The following IFT43 variants were observed in gnomAD, a reference collection of about 807,000 sequenced individuals.
The protein encoded by IFT43 is intraflagellar transport protein 43 homolog.
In IFT43, 33 loss-of-function variants were observed where a neutral mutation model predicts 32.3. The ratio of observed to expected loss-of-function variants is 1.02; its 90% CI spans 0.77 to 1.37. The LOEUF (loss-of-function observed/expected upper bound fraction) is 1.37, where lower values mean the gene tolerates loss of function less well. IFT43 is among the 40% of genes most tolerant of loss of function. IFT43 has a pLI of 0.00. For missense variants in IFT43, 274 were observed against 265.9 expected, an observed-to-expected ratio of 1.03 and a Z score of -0.21; for synonymous variants, 93 against 98.2, an observed-to-expected ratio of 0.95 and a Z score of 0.31.
Position 76,017,837 on chromosome 14 carries a change from T to C in IFT43, c.148-4490T>C, listed in dbSNP as rs149306961. 5.6e-4 allele frequency among the ~76,000 whole-genome samples: 85 copies of C among 152,274 alleles called. 2 individuals are homozygous for C. The East Asian group carries it at 0.012, about 21-fold the overall frequency. On this transcript the variant is annotated intron_variant, in intron 2 of 8. Transcript: ENST00000314067. ...CTCTAGGATTTCCAATTTATTAGTA[T>C]ATACTTGTTCATAATAGTCTCTTAT...
Position 76,038,354 on chromosome 14 carries a change from G to A in IFT43, c.215+15960G>A, listed in dbSNP as rs140996433. 4.5e-3 allele frequency among the ~76,000 whole-genome samples: 682 copies of A among 152,212 alleles called. 2 individuals are homozygous for A. The highest frequency in any genetic ancestry group is 0.016 in the African/African-American group (649 of 41,544). On this transcript the variant is annotated intron_variant, in intron 3 of 8. Transcript: ENST00000314067. Reference sequence around the variant, plus strand: ...CTTGGATCTCTGTCTCAATTTCACCGTCATGCATTTTGCCCTGCATAGATG... The same window carrying A: ...CTTGGATCTCTGTCTCAATTTCACCATCATGCATTTTGCCCTGCATAGATG...
At chr14:75,998,529 G>T (rs989162756) in intron 2 of IFT43, among the ~76,000 whole-genome samples, 2 of 152,222 alleles carry the variant, frequency 1.3e-5, no homozygotes, top group African/African-American at 2.4e-5. Flanking sequence ...CTTGCCAAAA[G>T]AAATTGAGGA....
intron 2 of IFT43, among the ~76,000 whole-genome samples, chr14:76,008,322 C>A (rs1353113278): frequency 1.3e-5 from 2 of 152,164 alleles, no homozygotes; most frequent in East Asian, 3.8e-4. Flanking sequence ...ATTGTCTCAA[C>A]CCTAAGCATT....
intron 3 of IFT43, among the ~76,000 whole-genome samples, chr14:76,040,232 G>A: frequency 6.6e-6 from 1 of 152,314 alleles, no homozygotes; most frequent in Admixed American, 6.5e-5. Context: ...TTACAGGTGT[G>A]AGTCACTGTG....
rs1253205022 is a variant in IFT43, at chr14:76,077,017, C to T, written c.296-5278C>T. Among the ~76,000 whole-genome samples, 3 of 151,930 alleles carry T rather than the reference C, an allele frequency of 2.0e-5. No individual in the cohort carries two copies. In the East Asian group the frequency reaches 5.8e-4, roughly 29 times the overall value. ...AAATGGGTTTCCCATTTGGCAATCT[C>T]TCTTTTTGAAATAGATTTGTACTGC... is the stretch of plus-strand genomic sequence containing the variant. On this transcript the variant is annotated intron_variant, in intron 5 of 8. Coordinates refer to ENST00000314067, the MANE Select transcript of IFT43 (RefSeq NM_001102564.3).
chr14:76,034,318 A>G (rs1315908251), intron 3 of IFT43, among the ~76,000 whole-genome samples: 1 of 152,036 alleles, frequency 6.6e-6, no homozygotes, highest in African/African-American at 2.4e-5. Context: ...GCATGTAAGG[A>G]GTGAGATTTT....
At chr14:76,082,148 C>T (rs1320847043) in intron 5 of IFT43, 147 bp from the exon 6 acceptor site, 2 of 780,150 alleles carry the variant, frequency 2.6e-6, no homozygotes, top group East Asian at 2.4e-5. Context: ...ACCTTTGATC[C>T]TACCCCTAGT....
chr14:75,987,419 G>A (rs943375531), intron 1 of IFT43, among the ~76,000 whole-genome samples: 1 of 152,196 alleles, frequency 6.6e-6, no homozygotes, highest in African/African-American at 2.4e-5. Context: ...AGTTTAGTGG[G>A]GCAGTCAGTC....
chr14:76,022,583 A>C (rs1326884964), intron 3 of IFT43, 189 bp downstream of exon 3: 11 of 442,422 alleles, frequency 2.5e-5, no homozygotes, highest in Admixed American at 8.0e-5. Context: ...CCATTAACAC[A>C]ATCAATTTTA....
At chr14:76,036,534 AGCTGAAACTACAGGC>A (rs1405144106) in intron 3 of IFT43, among the ~76,000 whole-genome samples, 2 of 149,564 alleles carry the variant, frequency 1.3e-5, no homozygotes, top group East Asian at 3.9e-4. Flanking sequence ...CCTCCCAAGT[AGCTGAAACTACAGGC>A]GCGCGCCACC....
At chr14:76,069,619 C>CT (rs2037285194) in intron 5 of IFT43, among the ~76,000 whole-genome samples, 1 of 152,184 alleles carries the variant, frequency 6.6e-6, no homozygotes, top group Admixed American at 6.5e-5. Context: ...GGAATAATCT[C>CT]TAAATATGCA....
intron 2 of IFT43, among the ~76,000 whole-genome samples, chr14:76,012,609 C>T (rs1006918472): frequency 3.3e-5 from 5 of 152,214 alleles, no homozygotes; most frequent in African/African-American, 9.6e-5. Flanking sequence ...CTGCCCCCTC[C>T]GTCCATCAGG....
intron 5 of IFT43, among the ~76,000 whole-genome samples, chr14:76,080,005 C>T (rs778561568): frequency 1.3e-5 from 2 of 152,068 alleles, no homozygotes; most frequent in African/African-American, 4.8e-5. Flanking sequence ...TGCTCATGAG[C>T]ACTTGCCTGT....
chr14:76,071,017 TA>T (rs956330241), intron 5 of IFT43, among the ~76,000 whole-genome samples: 1 of 152,220 alleles, frequency 6.6e-6, no homozygotes, highest in African/African-American at 2.4e-5. Flanking sequence ...TAACACTCCT[TA>T]AACTCAATTT....
intron 5 of IFT43, among the ~76,000 whole-genome samples, chr14:76,071,876 G>C (rs899110437): frequency 6.6e-6 from 1 of 151,984 alleles, no homozygotes; most frequent in African/African-American, 2.4e-5. Flanking sequence ...GGAAATGGTG[G>C]TGCTGGGACT....
intron 3 of IFT43, among the ~76,000 whole-genome samples, chr14:76,042,938 CCTT>C (rs890484799): frequency 8.5e-5 from 13 of 152,326 alleles, no homozygotes; most frequent in African/African-American, 2.9e-4. Context: ...CTAAGTGCCA[CCTT>C]CTCTTATTGG....
At chr14:75,993,862 G>A (rs2035689169) in intron 2 of IFT43, among the ~76,000 whole-genome samples, 1 of 152,130 alleles carries the variant, frequency 6.6e-6, no homozygotes, top group Non-Finnish European at 1.5e-5. Context: ...TAAGAAGGGT[G>A]TACCCCTTCT....
chr14:76,022,026 G>A (rs1469732717), intron 2 of IFT43, among the ~76,000 whole-genome samples: 2 of 152,148 alleles, frequency 1.3e-5, no homozygotes, highest in African/African-American at 2.4e-5. Flanking sequence ...CCAGGTGGGC[G>A]GATCACTTGA....
intron 2 of IFT43, among the ~76,000 whole-genome samples, chr14:75,999,267 A>G (rs546022662): frequency 5.7e-4 from 14 of 24,490 alleles, no homozygotes; most frequent in African/African-American, 2.3e-3. Context: ...ATATATATAT[A>G]TATATGTATA....
Sources: gnomAD v4.1 joint callset for allele counts (sites outside exome capture counted in the v4.1 genomes callset) on GRCh38, gnomAD v4.1.1 for gene constraint, MANE v1.5 for transcripts, NCBI Gene and HGNC (gene_info 2026-07-23, HGNC 2026-07-21) for gene names.